The following NTM variants were observed in gnomAD, a reference collection of about 807,000 sequenced individuals.
The protein encoded by NTM is neurotrimin.
Under a neutral mutation model 42.1 loss-of-function variants are expected in NTM, and 13 were observed. The observed-to-expected ratio is 0.31, with a 90% CI of 0.20 to 0.49. The LOEUF (loss-of-function observed/expected upper bound fraction) is 0.49. NTM is among the 20% of genes least tolerant of loss of function. The probability of loss-of-function intolerance (pLI) is 0.99; values close to 1 mark genes in which losing one functional copy is unlikely to be tolerated. For synonymous variants in NTM, 187 were observed against 179.2 expected (o/e 1.04, Z -0.35); for missense variants, 373 against 452.8 (o/e 0.82, Z 1.60).
chr11:132,239,475 G>A (rs1036313855), intron 4 of NTM, among the ~76,000 whole-genome samples: 3 of 152,134 alleles, frequency 2.0e-5, no homozygotes, highest in Non-Finnish European at 4.4e-5. Flanking sequence ...ACTAAGGTGG[G>A]GCTGTTATGT....
chr11:131,955,808 G>T (rs911882186), intron 2 of NTM, among the ~76,000 whole-genome samples: 1 of 151,674 alleles, frequency 6.6e-6, no homozygotes, highest in Non-Finnish European at 1.5e-5. Context: ...CTCCAAAATT[G>T]CCTTCTCCTA....
chr11:132,277,659 T>C (rs909259614), intron 4 of NTM, among the ~76,000 whole-genome samples: 23 of 152,176 alleles, frequency 1.5e-4, no homozygotes, highest in Non-Finnish European at 2.6e-4. Flanking sequence ...TAACGTAATA[T>C]CAAAAGCATT....
intron 1 of NTM, among the ~76,000 whole-genome samples, chr11:131,593,086 C>T (rs1447331726): frequency 1.3e-5 from 2 of 152,188 alleles, no homozygotes; most frequent in Non-Finnish European, 2.9e-5. Context: ...AGGAAATGTG[C>T]TCCAACATGC....
At chr11:131,676,427 G>T (rs2071398133) in intron 1 of NTM, among the ~76,000 whole-genome samples, 1 of 151,542 alleles carries the variant, frequency 6.6e-6, no homozygotes, top group South Asian at 2.1e-4. Context: ...AGCACTGAGG[G>T]TGTGTGTATC....
At chr11:132,329,224 G>A (rs2095750652) in intron 7 of NTM, among the ~76,000 whole-genome samples, 1 of 152,164 alleles carries the variant, frequency 6.6e-6, no homozygotes, top group Admixed American at 6.5e-5. Context: ...TCACTTTGAT[G>A]CAAAAAGCTT....
chr11:132,229,792 G>A (rs1414054069), intron 4 of NTM, among the ~76,000 whole-genome samples: 2 of 152,152 alleles, frequency 1.3e-5, no homozygotes, highest in Non-Finnish European at 2.9e-5. Flanking sequence ...TAAGATAAAT[G>A]GGTAGCAGCA....
Position 131,789,657 on chromosome 11 carries a change from GAAGAAGAAGA to G in NTM, c.83-121903_83-121894del, listed in dbSNP as rs1327801813. Among the ~76,000 whole-genome samples the G allele has an allele frequency of 8.1e-4, 112 of 138,350 alleles. 4 individuals are homozygous for G. The highest frequency in any genetic ancestry group is 2.9e-3 in the Admixed American group (41 of 14,040). The allele number at this position is 138,350 out of a possible 152,430, so 90.8% of individuals were successfully genotyped here. A position where few individuals can be genotyped will look rare whatever the true frequency, so the allele number is the denominator to read the frequency against. ...AAGAAAAGAAGAAGAAGAAGAAGAA[GAAGAAGAAGA>G]AAGCATGGGCCGGGGGCGGTGGCTC... On this transcript the variant is annotated intron_variant, in intron 1 of 8. Coordinates refer to ENST00000683400, the MANE Select transcript of NTM (RefSeq NM_001352005.2).
intron 1 of NTM, among the ~76,000 whole-genome samples, chr11:131,830,164 A>G (rs1216705231): frequency 6.6e-6 from 1 of 152,172 alleles, no homozygotes. Context: ...TGCTGTGCAG[A>G]AACTCTTTCA....
At chr11:131,750,803 G>A (rs1183794960) in intron 1 of NTM, among the ~76,000 whole-genome samples, 1 of 152,144 alleles carries the variant, frequency 6.6e-6, no homozygotes, top group Non-Finnish European at 1.5e-5. Context: ...ACCTAGCGGT[G>A]ACTTTCTATT....
chr11:131,486,019 A>C (rs1954136872), intron 1 of NTM, among the ~76,000 whole-genome samples: 1 of 152,102 alleles, frequency 6.6e-6, no homozygotes, highest in South Asian at 2.1e-4. Flanking sequence ...AGTTGTCGTG[A>C]GGTTCAATTT....
intron 4 of NTM, among the ~76,000 whole-genome samples, chr11:132,243,056 A>C (rs2090484580): frequency 6.6e-6 from 1 of 152,200 alleles, no homozygotes; most frequent in Admixed American, 6.5e-5. Context: ...CAGAGTTCTT[A>C]GCTTAAGCTA....
rs367593052 is a variant in NTM, at chr11:131,435,955, C to T, written c.82+65067C>T. On this transcript the variant is annotated intron_variant, in intron 1 of 8. Transcript: ENST00000683400. Reference sequence around the variant, plus strand: ...AAATAGCTTTTATTATTTTAAGATACGTTCCGTCAGTACCTAGGTTACTGA... The same window carrying T: ...AAATAGCTTTTATTATTTTAAGATATGTTCCGTCAGTACCTAGGTTACTGA... 4.6e-5 allele frequency among the ~76,000 whole-genome samples: 7 copies of T among 152,218 alleles called. No homozygotes were observed. In the East Asian group the frequency reaches 5.8e-4, roughly 13 times the overall value.
intron 1 of NTM, among the ~76,000 whole-genome samples, chr11:131,424,177 T>A (rs570800477): frequency 6.6e-6 from 1 of 152,074 alleles, no homozygotes; most frequent in South Asian, 2.1e-4. Context: ...CAAGCACTAA[T>A]GCAGAATAGG....
intron 1 of NTM, among the ~76,000 whole-genome samples, chr11:131,464,816 A>T (rs934196783): frequency 3.3e-5 from 5 of 152,200 alleles, no homozygotes; most frequent in Non-Finnish European, 7.3e-5. Context: ...AGCAATGCTT[A>T]GAAAGTTGGT....
chr11:131,862,038 G>GTT lies in NTM; in HGVS notation c.83-49524_83-49523dup, dbSNP rs146953864. ...GTGCGGTCTCAAGGACCACAGTTCA[G>GTT]TTTAATATCAGCCTGAGCAAAATGT... is the stretch of plus-strand genomic sequence containing the variant. On this transcript the variant is annotated intron_variant, in intron 1 of 8. Coordinates refer to ENST00000683400, the MANE Select transcript of NTM (RefSeq NM_001352005.2). Among the ~76,000 whole-genome samples, 1,162 of 152,310 alleles carry GTT rather than the reference G, an allele frequency of 7.6e-3. 23 individuals are homozygous for GTT. The highest frequency in any genetic ancestry group is 0.027 in the African/African-American group (1,121 of 41,562).
chr11:131,689,898 A>G (rs2074435346), intron 1 of NTM, among the ~76,000 whole-genome samples: 1 of 152,226 alleles, frequency 6.6e-6, no homozygotes, highest in African/African-American at 2.4e-5. Flanking sequence ...TTACCTGGGT[A>G]GAGGGATTCT....
At chr11:131,948,491 T>C (rs1315219180) in intron 2 of NTM, among the ~76,000 whole-genome samples, 1 of 152,216 alleles carries the variant, frequency 6.6e-6, no homozygotes, top group Middle Eastern at 3.2e-3. Flanking sequence ...GTGGTGCTCC[T>C]CTGGTGATAG....
intron 1 of NTM, among the ~76,000 whole-genome samples, chr11:131,505,148 T>C (rs765876363): frequency 9.9e-5 from 15 of 152,024 alleles, no homozygotes; most frequent in Non-Finnish European, 2.1e-4. Flanking sequence ...GGGGTAATAT[T>C]ACCTGTCCCA....
intron 2 of NTM, among the ~76,000 whole-genome samples, chr11:132,018,507 TTATTA>T (rs1344095455): frequency 1.3e-5 from 2 of 151,950 alleles, no homozygotes; most frequent in African/African-American, 2.4e-5. Context: ...TTTAAAAAAT[TTATTA>T]TATACTATAT....
Sources: gnomAD v4.1 joint callset for allele counts (sites outside exome capture counted in the v4.1 genomes callset) on GRCh38, gnomAD v4.1.1 for gene constraint, MANE v1.5 for transcripts, NCBI Gene and HGNC (gene_info 2026-07-23, HGNC 2026-07-21) for gene names.